The following TSPAN7 variants were observed in gnomAD, a reference collection of about 807,000 sequenced individuals.
TSPAN7 encodes tetraspanin 7.
A neutral mutation model predicts 17.6 loss-of-function variants in TSPAN7; 1 was observed. The ratio of observed to expected loss-of-function variants is 0.06; its 90% CI spans 0.02 to 0.27. The LOEUF is 0.27. Ranked by LOEUF, TSPAN7 falls within the 10% of genes least tolerant of loss-of-function variation. The pLI, the probability that TSPAN7 is intolerant of heterozygous loss-of-function variation, is 1.00. For synonymous variants in TSPAN7, 78 were observed against 79.0 expected (o/e 0.99, Z 0.07); for missense variants, 112 against 201.7 (o/e 0.56, Z 2.69).
chrX:38,622,859 A>G (rs890107076), intron 1 of TSPAN7: 12 of 329,195 alleles, frequency 3.6e-5, no homozygotes, highest in Non-Finnish European at 7.1e-5. Context: ...GCAAAATGAT[A>G]TGCAAATATT....
chrX:38,645,245 T>C (rs1259497390), intron 1 of TSPAN7, among the ~76,000 whole-genome samples: 1 of 112,273 alleles, frequency 8.9e-6, no homozygotes, highest in Non-Finnish European at 1.9e-5. Flanking sequence ...CCCAGGAGCT[T>C]CTAATTCTGC....
chrX:38,674,530 G>T (rs908911882), intron 4 of TSPAN7, among the ~76,000 whole-genome samples: 4 of 111,999 alleles, frequency 3.6e-5, no homozygotes, highest in South Asian at 7.5e-4. Context: ...AGTGTGCCTT[G>T]TATCAGTAAG....
intron 2 of TSPAN7, among the ~76,000 whole-genome samples, chrX:38,667,357 T>C (rs1195177282): frequency 8.9e-6 from 1 of 112,616 alleles, no homozygotes; most frequent in Non-Finnish European, 1.9e-5. Context: ...ATTTTATAGA[T>C]AAAAATTAGC....
chrX:38,667,968 A>G (rs1416103634), intron 2 of TSPAN7, among the ~76,000 whole-genome samples: 2 of 112,385 alleles, frequency 1.8e-5, no homozygotes, highest in East Asian at 5.6e-4. Flanking sequence ...AGCTCTCCAG[A>G]GGATTCAATC....
intron 5 of TSPAN7, among the ~76,000 whole-genome samples, chrX:38,679,755 A>T (rs1239776006): frequency 1.8e-5 from 2 of 111,532 alleles, no homozygotes; most frequent in African/African-American, 6.5e-5. Flanking sequence ...AAAAATGAAA[A>T]AAAAATGTGT....
chrX:38,561,884 C>CA (rs60699034), intron 1 of TSPAN7, among the ~76,000 whole-genome samples: 26 of 106,592 alleles, frequency 2.4e-4, no homozygotes, highest in East Asian at 5.9e-4. Context: ...GTCGACCTTC[C>CA]AAAAAAAAAA....
At chrX:38,613,468 G>C (rs1198185778) in intron 1 of TSPAN7, among the ~76,000 whole-genome samples, 2 of 111,978 alleles carry the variant, frequency 1.8e-5, no homozygotes, top group Non-Finnish European at 1.9e-5. Context: ...TAAGCAGGTT[G>C]GTGGAGCTTG....
intron 1 of TSPAN7, among the ~76,000 whole-genome samples, chrX:38,638,769 AT>A (rs2069596259): frequency 9.0e-6 from 1 of 111,630 alleles, no homozygotes; most frequent in Non-Finnish European, 1.9e-5. Flanking sequence ...TGGGCTTCAG[AT>A]TTTTTTGAAT....
chrX:38,566,174 T>C (rs765644899), intron 1 of TSPAN7: 1 of 225,080 alleles, frequency 4.4e-6, no homozygotes, highest in Non-Finnish European at 7.7e-6. Flanking sequence ...TTGTGTACTA[T>C]ATAATTATTT....
At chrX:38,570,480 T>A (rs2069164071) in intron 1 of TSPAN7, among the ~76,000 whole-genome samples, 1 of 111,461 alleles carries the variant, frequency 9.0e-6, no homozygotes, top group Admixed American at 9.5e-5. Context: ...CAACTAGAGT[T>A]CTTGATTTGA....
intron 1 of TSPAN7, among the ~76,000 whole-genome samples, chrX:38,620,871 C>A (rs563596013): frequency 1.2e-4 from 13 of 112,396 alleles, no homozygotes; most frequent in African/African-American, 4.2e-4. Flanking sequence ...TCATGAAGGG[C>A]AGGACATGTG....
chrX:38,582,900 C>A (rs1216476103), intron 1 of TSPAN7, among the ~76,000 whole-genome samples: 1 of 111,888 alleles, frequency 8.9e-6, no homozygotes, highest in East Asian at 2.8e-4. Flanking sequence ...CCATGAATCA[C>A]CAAGCCGTGG....
chrX:38,639,583 G>C (rs1004645683), intron 1 of TSPAN7, among the ~76,000 whole-genome samples: 1 of 104,613 alleles, frequency 9.6e-6, no homozygotes. Flanking sequence ...CCTGCTCTCT[G>C]TACTCTTGTG....
At chrX:38,651,922 C>T in intron 1 of TSPAN7, among the ~76,000 whole-genome samples, 1 of 112,163 alleles carries the variant, frequency 8.9e-6, no homozygotes, top group East Asian at 2.8e-4. Flanking sequence ...TAACCAGCTT[C>T]ACTGATTCTT....
chrX:38,624,186 C>G (rs1424312750), intron 1 of TSPAN7, among the ~76,000 whole-genome samples: 1 of 111,385 alleles, frequency 9.0e-6, no homozygotes. Flanking sequence ...AGAGGCACAA[C>G]CAAATAATGT....
At chrX:38,642,138 G>A (rs1412172557) in intron 1 of TSPAN7, among the ~76,000 whole-genome samples, 3 of 111,688 alleles carry the variant, frequency 2.7e-5, no homozygotes, top group Non-Finnish European at 5.6e-5. Context: ...CTTCAACCCT[G>A]TCTGCAGTGG....
chrX:38,640,322 A>G (rs772146665), intron 1 of TSPAN7, among the ~76,000 whole-genome samples: 1 of 111,963 alleles, frequency 8.9e-6, no homozygotes, highest in Non-Finnish European at 1.9e-5. Flanking sequence ...ACCCGCTTTC[A>G]AAACTCATAA....
chrX:38,603,475 A>G (rs1360153365), intron 1 of TSPAN7, among the ~76,000 whole-genome samples: 1 of 112,369 alleles, frequency 8.9e-6, no homozygotes, highest in Non-Finnish European at 1.9e-5. Context: ...ATTTAGGCAC[A>G]TTATTCATAA....
chrX:38,639,216 T>A (rs186792257), intron 1 of TSPAN7, among the ~76,000 whole-genome samples: 1 of 110,634 alleles, frequency 9.0e-6, no homozygotes, highest in East Asian at 2.8e-4. Context: ...TGATTTACTT[T>A]ACATTATTTC....
Sources: allele counts gnomAD v4.1 joint callset (sites outside exome capture counted in the v4.1 genomes callset), GRCh38; gene constraint gnomAD v4.1.1; transcripts MANE v1.5; gene names NCBI Gene and HGNC (gene_info 2026-07-23, HGNC 2026-07-21).